The following EBPL variants were observed in gnomAD, a reference collection of about 807,000 sequenced individuals.
The protein encoded by EBPL is emopamil-binding protein-like.
A neutral mutation model predicts 19.0 loss-of-function variants in EBPL; 20 were observed. The observed-to-expected ratio is 1.05, with a 90% CI of 0.74 to 1.53. The LOEUF (loss-of-function observed/expected upper bound fraction) is 1.53. Among genes scored for constraint, EBPL ranks in the 40% most tolerant of loss-of-function variants. The pLI is 0.00. For missense variants in EBPL, 219 were observed against 261.1 expected (o/e 0.84, Z 1.11); for synonymous variants, 107 against 117.0 (o/e 0.91, Z 0.55).
chr13:49,687,618 G>T (rs1459474865), intron 1 of EBPL, among the ~76,000 whole-genome samples: 2 of 151,830 alleles, frequency 1.3e-5, no homozygotes, highest in Non-Finnish European at 3.0e-5. Flanking sequence ...CCTCCTCAGA[G>T]GTTTACATTC....
In EBPL at chr13:49,691,441, G is replaced by T. The variant is rs929969147; in HGVS notation, c.-17C>A. 1 of 1,330,836 alleles carries T rather than the reference G, an allele frequency of 7.5e-7. No individual in the cohort carries two copies. Among genetic ancestry groups the T allele is most frequent in the Non-Finnish European group, 9.6e-7 (1 of 1,042,882 alleles). The allele number at this position is 1,330,836 out of a possible 1,614,324, so 82.4% of individuals were successfully genotyped here. On this transcript the variant is annotated 5_prime_UTR_variant, in exon 1 of 4. Coordinates refer to ENST00000242827, the MANE Select transcript of EBPL (RefSeq NM_032565.5). ...AGCGCCCATGCTTCAGGCTTCCGACGCCAACGGCCCAGGACCATGCGGCAG... is the reference window on the plus strand; with the variant it reads ...AGCGCCCATGCTTCAGGCTTCCGACTCCAACGGCCCAGGACCATGCGGCAG...
At chr13:49,663,924 CAAAAAAAA>C (rs537301913) in intron 2 of EBPL, among the ~76,000 whole-genome samples, 35 of 102,944 alleles carry the variant, frequency 3.4e-4, no homozygotes, top group African/African-American at 1.1e-3. Flanking sequence ...GACTCCGTCT[CAAAAAAAA>C]AAAAACAAAA....
At chr13:49,678,729 A>G (rs1162795480) in intron 1 of EBPL, among the ~76,000 whole-genome samples, 1 of 152,134 alleles carries the variant, frequency 6.6e-6, no homozygotes, top group Non-Finnish European at 1.5e-5. Flanking sequence ...GGGCTCCCAC[A>G]GTGCAGCCGC....
In EBPL at chr13:49,670,292, C is replaced by G. The variant is rs575081716; in HGVS notation, c.172-446G>C. Among the ~76,000 whole-genome samples the G allele has an allele frequency of 2.3e-4, 35 of 152,244 alleles. No homozygotes were observed. In the South Asian group the frequency reaches 6.8e-3, roughly 30 times the overall value. On this transcript the variant is annotated intron_variant, in intron 1 of 3. Transcript: ENST00000242827. ...CAATCAAGTTTATACCAGCATTGAG[C>G]AATCCTCCCCCCTTCTCCTATATAA...
intron 1 of EBPL, among the ~76,000 whole-genome samples, chr13:49,681,586 C>T (rs1477460228): frequency 2.0e-5 from 3 of 152,192 alleles, no homozygotes; most frequent in Non-Finnish European, 4.4e-5. Context: ...CCACCACACC[C>T]AGCCCAGGCA....
intron 3 of EBPL, chr13:49,662,029 T>G: frequency 1.8e-6 from 2 of 1,119,548 alleles, no homozygotes; most frequent in Admixed American, 4.0e-5. Context: ...AGTCTCGCTC[T>G]GTCACCTAGG....
chr13:49,689,971 G>C (rs1436974219), intron 1 of EBPL, among the ~76,000 whole-genome samples: 2 of 152,040 alleles, frequency 1.3e-5, no homozygotes, highest in Non-Finnish European at 2.9e-5. Context: ...CCAACATAGT[G>C]AAACCTCATC....
chr13:49,662,030 G>C, intron 3 of EBPL: 1 of 1,114,170 alleles, frequency 9.0e-7, no homozygotes, highest in Non-Finnish European at 1.3e-6. Flanking sequence ...GTCTCGCTCT[G>C]TCACCTAGGC....
intron 1 of EBPL, among the ~76,000 whole-genome samples, chr13:49,684,047 T>A (rs893631324): frequency 1.3e-5 from 2 of 152,196 alleles, no homozygotes; most frequent in Admixed American, 6.5e-5. Context: ...TTTTATGAAA[T>A]TATAGGACAG....
intron 1 of EBPL, among the ~76,000 whole-genome samples, chr13:49,683,372 A>C (rs1048548389): frequency 2.6e-5 from 4 of 151,826 alleles, no homozygotes; most frequent in African/African-American, 9.7e-5. Flanking sequence ...CTAAAAATAC[A>C]AAAAAAATTA....
In EBPL at chr13:49,661,112, G is replaced by C; in HGVS notation, c.477C>G (p.Thr159=). The C allele has an allele frequency of 6.2e-7, 1 of 1,614,160 alleles. No homozygotes were observed. The change falls in exon 4 of 4, where the codon ACC becomes ACG. Residue 159 remains threonine (T), a synonymous_variant. Coordinates refer to ENST00000242827, the MANE Select transcript of EBPL (RefSeq NM_032565.5). ...AAAGCCAACAGTACAGCCAGTTGCT[G>C]GTGTTGAGGTTGGGGCTTCTGGTGA... The part of the protein sequence containing the change: ...EWLTRSPNLN[T]SNWLYCWLYL...
At chr13:49,681,179 A>G (rs1267420957) in intron 1 of EBPL, among the ~76,000 whole-genome samples, 1 of 152,258 alleles carries the variant, frequency 6.6e-6, no homozygotes, top group Non-Finnish European at 1.5e-5. Flanking sequence ...GTTATAAAAT[A>G]TAACTGAACT....
At chr13:49,689,874 T>C (rs1594420113) in intron 1 of EBPL, among the ~76,000 whole-genome samples, 1 of 152,130 alleles carries the variant, frequency 6.6e-6, no homozygotes, top group African/African-American at 2.4e-5. Context: ...CTGGTGGCGG[T>C]GGCGGTGGCT....
intron 1 of EBPL, among the ~76,000 whole-genome samples, chr13:49,683,508 C>G (rs1953964402): frequency 6.6e-6 from 1 of 151,500 alleles, no homozygotes; most frequent in Non-Finnish European, 1.5e-5. Flanking sequence ...CAGCCTGGAC[C>G]AGAGAGCGAG....
intron 1 of EBPL, among the ~76,000 whole-genome samples, 177 bp from the exon 2 acceptor site, chr13:49,670,023 T>C (rs920095954): frequency 7.2e-5 from 11 of 152,212 alleles, no homozygotes; most frequent in African/African-American, 2.7e-4. Context: ...CCTGGTTACC[T>C]GGACCTTGGA....
In EBPL at chr13:49,663,178, C is replaced by T; in HGVS notation, c.259G>A (p.Ala87Thr). ...TCAAAATAAACCCATCTTGCATCAG[C>T]TTTGCCATATTCTTTCCCTAAAGAC... is the stretch of plus-strand genomic sequence containing the variant. Reference protein sequence around the residue: ...IASLWKEYGKADARWVYFDPT... With the variant: ...IASLWKEYGKTDARWVYFDPT... The change falls in exon 3 of 4, where the codon GCT becomes ACT. Residue 87 changes from alanine to threonine, a missense_variant. By Grantham distance (58) the Ala-to-Thr change is moderately conservative. Coordinates refer to ENST00000242827, the MANE Select transcript of EBPL (RefSeq NM_032565.5). The T allele has an allele frequency of 6.2e-7, 1 of 1,614,192 alleles. No homozygotes were observed. The highest frequency in any genetic ancestry group is 1.3e-5 in the African/African-American group (1 of 75,052).
At chr13:49,661,281 T>C in intron 3 of EBPL, 73 bp from the exon 4 acceptor site, 1 of 1,221,392 alleles carries the variant, frequency 8.2e-7, no homozygotes, top group African/African-American at 1.5e-5. Flanking sequence ...TGACATCTTG[T>C]CTGTAATGGC....
At chr13:49,687,823 A>C (rs1001849840) in intron 1 of EBPL, among the ~76,000 whole-genome samples, 2 of 152,192 alleles carry the variant, frequency 1.3e-5, no homozygotes, top group African/African-American at 4.8e-5. Context: ...GTTAACTTCT[A>C]AGTTGGGTAA....
chr13:49,668,644 C>A, intron 2 of EBPL: 1 of 398,212 alleles, frequency 2.5e-6, no homozygotes, highest in South Asian at 1.8e-5. Flanking sequence ...AAGCAGTTAT[C>A]CTGAGAAAGG....
Sources: allele counts gnomAD v4.1 joint callset (sites outside exome capture counted in the v4.1 genomes callset), GRCh38; gene constraint gnomAD v4.1.1; transcripts MANE v1.5; gene names NCBI Gene and HGNC (gene_info 2026-07-23, HGNC 2026-07-21).